TMEM132C: variants seen among roughly 807,000 people sequenced by gnomAD.
TMEM132C encodes transmembrane protein 132C.
TMEM132C carries 29 observed loss-of-function variants against 61.4 expected under a neutral mutation model. The ratio of observed to expected loss-of-function variants is 0.47; its 90% CI spans 0.35 to 0.64. TMEM132C has a LOEUF of 0.64. TMEM132C is among the 30% of genes least tolerant of loss of function. TMEM132C has a pLI of 0.00. For synonymous variants in TMEM132C, 656 were observed against 633.1 expected (o/e 1.04, Z -0.54); for missense variants, 1,408 against 1,476.9 (o/e 0.95, Z 0.76).
At chr12:128,316,232 C>A (rs987408931) in intron 1 of TMEM132C, among the ~76,000 whole-genome samples, 1 of 152,130 alleles carries the variant, frequency 6.6e-6, no homozygotes, top group African/African-American at 2.4e-5. Flanking sequence ...ACAGGAACCC[C>A]CAGGGACCTT....
At chr12:128,309,196 G>GT (rs1204028897) in intron 1 of TMEM132C, among the ~76,000 whole-genome samples, 1 of 152,164 alleles carries the variant, frequency 6.6e-6, no homozygotes, top group East Asian at 1.9e-4. Context: ...AAGCCGTATC[G>GT]TTTTGTTTCA....
chr12:128,573,909 AAAAG>A (rs1049334205), intron 3 of TMEM132C, among the ~76,000 whole-genome samples: 13 of 151,998 alleles, frequency 8.6e-5, no homozygotes, highest in African/African-American at 2.9e-4. Context: ...AAAAAAAAAA[AAAAG>A]AGAGTGGTGA....
chr12:128,301,734 G>T (rs1007265711), intron 1 of TMEM132C, among the ~76,000 whole-genome samples: 24 of 152,176 alleles, frequency 1.6e-4, no homozygotes, highest in Non-Finnish European at 2.2e-4. Context: ...CTGGTGTCCT[G>T]TGAAGGTAGC....
chr12:128,660,617 A>C (rs1014328580), intron 4 of TMEM132C, among the ~76,000 whole-genome samples: 1 of 152,212 alleles, frequency 6.6e-6, no homozygotes, highest in African/African-American at 2.4e-5. Flanking sequence ...TCACTTTCCC[A>C]GCATATAGTT....
intron 3 of TMEM132C, among the ~76,000 whole-genome samples, chr12:128,548,351 T>C (rs1313446722): frequency 2.0e-5 from 3 of 152,186 alleles, no homozygotes; most frequent in Admixed American, 2.0e-4. Context: ...CATGCAAAAA[T>C]AAAATTTCAG....
chr12:128,606,095 C>G (rs1876414529), intron 3 of TMEM132C, among the ~76,000 whole-genome samples: 1 of 152,260 alleles, frequency 6.6e-6, no homozygotes, highest in South Asian at 2.1e-4. Context: ...TGGGGGCTAT[C>G]TGAAGCCAAG....
At chr12:128,493,195 T>C (rs1034494311) in intron 2 of TMEM132C, among the ~76,000 whole-genome samples, 1 of 152,212 alleles carries the variant, frequency 6.6e-6, no homozygotes, top group African/African-American at 2.4e-5. Context: ...CTCTGTTCTG[T>C]TCCATTGGTC....
At chr12:128,345,612 G>A (rs1481835962) in intron 1 of TMEM132C, among the ~76,000 whole-genome samples, 1 of 152,090 alleles carries the variant, frequency 6.6e-6, no homozygotes, top group Non-Finnish European at 1.5e-5. Flanking sequence ...CATTCTGACA[G>A]ATGGGAGATG....
rs139656678 is a variant in TMEM132C, at chr12:128,379,740, G to C, written c.86-34992G>C. ...CAAGATCTCTTCCTTAATTACATCT[G>C]TAAAGACCCCTTTCCCAAGGAAATA... On this transcript the variant is annotated intron_variant, in intron 1 of 8. Coordinates refer to ENST00000435159, the MANE Select transcript of TMEM132C (RefSeq NM_001136103.3). Among the ~76,000 whole-genome samples, 1,154 of 152,278 alleles carry C rather than the reference G, an allele frequency of 7.6e-3. 17 individuals are homozygous for C. The highest frequency in any genetic ancestry group is 0.025 in the African/African-American group (1,021 of 41,554).
chr12:128,343,667 A>G lies in TMEM132C; in HGVS notation c.86-71065A>G, dbSNP rs1306752110. 2.0e-5 allele frequency among the ~76,000 whole-genome samples: 3 copies of G among 152,180 alleles called. No homozygotes were observed. In the East Asian group the frequency reaches 5.8e-4, roughly 29 times the overall value. On this transcript the variant is annotated intron_variant, in intron 1 of 8. Transcript: ENST00000435159. ...TCTACGAGCCAATGACATTTAATAT[A>G]TTAAGAGTTGTACAATCAACGGTAT...
intron 1 of TMEM132C, among the ~76,000 whole-genome samples, chr12:128,293,314 G>C (rs750348805): frequency 7.2e-5 from 11 of 152,076 alleles, no homozygotes; most frequent in Admixed American, 4.6e-4. Flanking sequence ...ACTTAAAAAA[G>C]ATTTTGTCAT....
At chr12:128,279,330 CCTTA>C (rs1467574884) in intron 1 of TMEM132C, among the ~76,000 whole-genome samples, 1 of 152,118 alleles carries the variant, frequency 6.6e-6, no homozygotes, top group Non-Finnish European at 1.5e-5. Flanking sequence ...GACAGTGCTT[CCTTA>C]CTTTGTTCAT....
chr12:128,492,249 A>G (rs1272963025), intron 2 of TMEM132C, among the ~76,000 whole-genome samples: 1 of 152,152 alleles, frequency 6.6e-6, no homozygotes, highest in Non-Finnish European at 1.5e-5. Flanking sequence ...TCAGTCTATC[A>G]TTGATGGACA....
intron 3 of TMEM132C, among the ~76,000 whole-genome samples, chr12:128,549,901 A>G (rs74615646): frequency 0.029 from 4,443 of 152,210 alleles, 260 homozygotes; most frequent in African/African-American, 0.1. Flanking sequence ...ACTCAGTAAG[A>G]GCTGGAGGTG....
intron 2 of TMEM132C, among the ~76,000 whole-genome samples, chr12:128,540,238 C>T (rs12810781): frequency 0.46 from 69,956 of 151,854 alleles, 18,737 homozygotes; most frequent in Non-Finnish European, 0.6. Flanking sequence ...TTAGTGAATG[C>T]GAATGATTCT....
intron 2 of TMEM132C, among the ~76,000 whole-genome samples, chr12:128,508,856 A>ATCATG (rs1417953454): frequency 2.0e-5 from 3 of 152,170 alleles, no homozygotes; most frequent in Non-Finnish European, 4.4e-5. Context: ...ACCATATCAT[A>ATCATG]TCATGTCATG....
chr12:128,429,035 A>T (rs1327421222), intron 2 of TMEM132C, among the ~76,000 whole-genome samples: 1 of 152,232 alleles, frequency 6.6e-6, no homozygotes, highest in Non-Finnish European at 1.5e-5. Context: ...AGCTGAAAGC[A>T]TTCTAATTGA....
At chr12:128,624,857 C>G (rs752255261) in intron 4 of TMEM132C, among the ~76,000 whole-genome samples, 1 of 152,182 alleles carries the variant, frequency 6.6e-6, no homozygotes, top group Non-Finnish European at 1.5e-5. Flanking sequence ...AGGTAGCACT[C>G]TCAGTGAAAT....
At chr12:128,600,667 G>A (rs186279385) in intron 3 of TMEM132C, among the ~76,000 whole-genome samples, 56 of 152,196 alleles carry the variant, frequency 3.7e-4, no homozygotes, top group African/African-American at 1.3e-3. Context: ...CAGTCTCCTC[G>A]CGTGTCTTTA....
Sources: allele counts gnomAD v4.1 joint callset (sites outside exome capture counted in the v4.1 genomes callset), GRCh38; gene constraint gnomAD v4.1.1; transcripts MANE v1.5; gene names NCBI Gene and HGNC (gene_info 2026-07-23, HGNC 2026-07-21).